The following SAMD12 variants were observed in gnomAD, a reference collection of about 807,000 sequenced individuals.
SAMD12 encodes sterile alpha motif domain containing 12.
Under a neutral mutation model 15.0 loss-of-function variants are expected in SAMD12, and 9 were observed. The ratio of observed to expected loss-of-function variants is 0.60; its 90% CI spans 0.36 to 1.05. SAMD12 has a LOEUF of 1.05. SAMD12 is among the 50% of genes least tolerant of loss of function. SAMD12 has a pLI of 0.01. For synonymous variants in SAMD12, 86 were observed against 90.1 expected, an observed-to-expected ratio of 0.96 and a Z score of 0.25; for missense variants, 230 against 234.2, an observed-to-expected ratio of 0.98 and a Z score of 0.12.
intron 2 of SAMD12, among the ~76,000 whole-genome samples, chr8:118,536,457 C>G (rs929190599): frequency 2.6e-5 from 4 of 151,330 alleles, no homozygotes; most frequent in Admixed American, 6.6e-5. Flanking sequence ...CACACACACA[C>G]ACACACACAC....
At chr8:118,321,037 C>T (rs987212608) in intron 4 of SAMD12, among the ~76,000 whole-genome samples, 1 of 145,130 alleles carries the variant, frequency 6.9e-6, no homozygotes, top group African/African-American at 2.5e-5. Flanking sequence ...AGTTTTGTAC[C>T]CTACATTTGT....
At chr8:118,247,473 T>C (rs1345727107) in intron 4 of SAMD12, among the ~76,000 whole-genome samples, 3 of 152,150 alleles carry the variant, frequency 2.0e-5, no homozygotes, top group Non-Finnish European at 4.4e-5. Context: ...TGTTAATTAG[T>C]CTGATTTACT....
chr8:118,157,779 T>C, the SAMD12 span, among the ~76,000 whole-genome samples: 1 of 152,204 alleles, frequency 6.6e-6, no homozygotes, highest in Admixed American at 6.5e-5. Context: ...CTTCCACTTA[T>C]AGCCAAAATA....
At chr8:118,242,613 T>G (rs527803450) in intron 4 of SAMD12, among the ~76,000 whole-genome samples, 1 of 152,274 alleles carries the variant, frequency 6.6e-6, no homozygotes, top group Admixed American at 6.5e-5. Context: ...TGATATTCTC[T>G]GTGGTTTCAG....
intron 2 of SAMD12, among the ~76,000 whole-genome samples, chr8:118,497,372 T>C (rs1586764151): frequency 6.6e-6 from 1 of 152,192 alleles, no homozygotes; most frequent in Non-Finnish European, 1.5e-5. Context: ...ATACACATCA[T>C]AGAATACTAT....
At chr8:118,507,898 G>A (rs558810324) in intron 2 of SAMD12, among the ~76,000 whole-genome samples, 4 of 152,212 alleles carry the variant, frequency 2.6e-5, no homozygotes, top group Admixed American at 2.6e-4. Context: ...AGTACCCTGA[G>A]GGAGGGTGGT....
intron 3 of SAMD12, among the ~76,000 whole-genome samples, chr8:118,401,817 G>A (rs890509304): frequency 1.3e-5 from 2 of 152,122 alleles, no homozygotes; most frequent in Non-Finnish European, 2.9e-5. Context: ...AGATACTGGA[G>A]ATTGCTCAAA....
At chr8:118,311,119 C>T (rs1007104421) in intron 4 of SAMD12, among the ~76,000 whole-genome samples, 5 of 152,208 alleles carry the variant, frequency 3.3e-5, no homozygotes, top group Non-Finnish European at 7.3e-5. Flanking sequence ...ATTTAGCAAA[C>T]TGCTCAAAGC....
downstream of SAMD12, among the ~76,000 whole-genome samples, chr8:118,184,712 A>G (rs556213834): frequency 2.0e-5 from 3 of 152,112 alleles, no homozygotes; most frequent in Admixed American, 2.0e-4. Flanking sequence ...GCCCAGGCTC[A>G]TCTTGAACTC....
intron 4 of SAMD12, among the ~76,000 whole-genome samples, chr8:118,281,437 T>C (rs1813645464): frequency 6.6e-6 from 1 of 152,196 alleles, no homozygotes; most frequent in South Asian, 2.1e-4. Flanking sequence ...CACTCCTGAC[T>C]TGTCATCTAA....
At chr8:118,258,140 G>A (rs914372114) in intron 4 of SAMD12, among the ~76,000 whole-genome samples, 2 of 152,114 alleles carry the variant, frequency 1.3e-5, no homozygotes, top group African/African-American at 4.8e-5. Flanking sequence ...AAAATAAAAG[G>A]AGGTGAGTAT....
At chr8:118,429,434 T>TTCC (rs1464565673) in intron 3 of SAMD12, among the ~76,000 whole-genome samples, 2 of 152,230 alleles carry the variant, frequency 1.3e-5, no homozygotes, top group Admixed American at 6.5e-5. Flanking sequence ...ACACTTCTGG[T>TTCC]TCCATGTATT....
chr8:118,160,843 C>T, the SAMD12 span, among the ~76,000 whole-genome samples: 1 of 151,938 alleles, frequency 6.6e-6, no homozygotes, highest in African/African-American at 2.4e-5. Context: ...GCACAACGTG[C>T]AGGTTTGTTA....
intron 2 of SAMD12, among the ~76,000 whole-genome samples, chr8:118,470,256 TTAAA>T (rs1297704267): frequency 0.023 from 3,316 of 147,234 alleles, 118 homozygotes; most frequent in African/African-American, 0.084. Flanking sequence ...TTTTTTTTTT[TTAAA>T]AAAAAAGGAG....
intron 2 of SAMD12, among the ~76,000 whole-genome samples, chr8:118,553,284 C>G (rs1459078171): frequency 2.0e-5 from 3 of 152,144 alleles, no homozygotes; most frequent in Non-Finnish European, 4.4e-5. Flanking sequence ...TCAAACTATA[C>G]TACAAGGCTA....
At chr8:118,554,194 A>G (rs923580164) in intron 2 of SAMD12, among the ~76,000 whole-genome samples, 23 of 152,202 alleles carry the variant, frequency 1.5e-4, no homozygotes, top group Non-Finnish European at 3.1e-4. Flanking sequence ...TATATACCCA[A>G]AGGCCTATAA....
intron 4 of SAMD12, among the ~76,000 whole-genome samples, chr8:118,304,759 C>CATAAATAA (rs55985938): frequency 0.034 from 4,794 of 141,538 alleles, 121 homozygotes; most frequent in Middle Eastern, 0.067. Flanking sequence ...GACTCCATCT[C>CATAAATAA]ATAAATAAAT....
At chr8:118,600,298 T>A (rs1827828018) in intron 1 of SAMD12, among the ~76,000 whole-genome samples, 1 of 151,402 alleles carries the variant, frequency 6.6e-6, no homozygotes, top group Non-Finnish European at 1.5e-5. Context: ...AAAAAAAAAC[T>A]ACATTTAGAG....
intron 4 of SAMD12, among the ~76,000 whole-genome samples, chr8:118,320,763 A>G (rs1816203195): frequency 6.6e-6 from 1 of 151,264 alleles, no homozygotes; most frequent in African/African-American, 2.4e-5. Context: ...ACATGTATAT[A>G]TATGTAACAA....
Sources: allele counts gnomAD v4.1 joint callset (sites outside exome capture counted in the v4.1 genomes callset), GRCh38; gene constraint gnomAD v4.1.1; transcripts MANE v1.5; gene names NCBI Gene and HGNC (gene_info 2026-07-23, HGNC 2026-07-21).